Variants in SMC5 observed in about 807,000 individuals in gnomAD.
The protein encoded by SMC5 is structural maintenance of chromosomes 5.
Under a neutral mutation model 148.3 loss-of-function variants are expected in SMC5, and 88 were observed. The observed-to-expected ratio is 0.59, with a 90% confidence interval of 0.50 to 0.71. The LOEUF is 0.71. SMC5 is among the 30% of genes least tolerant of loss of function. The pLI, the probability that SMC5 is intolerant of heterozygous loss-of-function variation, is 0.00. For synonymous variants in SMC5, 421 were observed against 432.8 expected (o/e 0.97, Z 0.34); for missense variants, 1,142 against 1,298.9 (o/e 0.88, Z 1.86).
chr9:70,299,208 A>T (rs1336107817), intron 9 of SMC5, among the ~76,000 whole-genome samples: 1 of 151,850 alleles, frequency 6.6e-6, no homozygotes, highest in Admixed American at 6.6e-5. Context: ...TGCTTTATTT[A>T]TGGGTTAATT....
At chr9:70,300,676 T>C (rs2035336048) in intron 10 of SMC5, among the ~76,000 whole-genome samples, 2 of 152,126 alleles carry the variant, frequency 1.3e-5, no homozygotes, top group South Asian at 4.1e-4. Flanking sequence ...TTTTGATAGC[T>C]TTTGTTGATG....
chr9:70,327,143 C>A (rs1351558455), intron 17 of SMC5, among the ~76,000 whole-genome samples: 1 of 152,162 alleles, frequency 6.6e-6, no homozygotes, highest in Non-Finnish European at 1.5e-5. Flanking sequence ...TAGATTATGA[C>A]TTCTAAATAC....
At chr9:70,295,485 AAAG>A (rs1291589568) in intron 8 of SMC5, among the ~76,000 whole-genome samples, 28 of 151,346 alleles carry the variant, frequency 1.9e-4, no homozygotes, top group Non-Finnish European at 3.1e-4. Flanking sequence ...AAAAAAAAAA[AAAG>A]AAGAAGAGGG....
intron 13 of SMC5, among the ~76,000 whole-genome samples, chr9:70,317,345 C>A (rs2035830011): frequency 6.6e-6 from 1 of 151,996 alleles, no homozygotes; most frequent in African/African-American, 2.4e-5. Flanking sequence ...TAAGATTCTC[C>A]CTTTGGTTAA....
At chr9:70,264,696 A>C (rs993809381) in intron 2 of SMC5, among the ~76,000 whole-genome samples, 2 of 151,914 alleles carry the variant, frequency 1.3e-5, no homozygotes, top group African/African-American at 4.8e-5. Context: ...CTTTTTTTTT[A>C]AATGCATCAC....
chr9:70,302,901 G>A (rs926499836), intron 10 of SMC5, among the ~76,000 whole-genome samples: 6 of 152,032 alleles, frequency 3.9e-5, no homozygotes, highest in African/African-American at 1.5e-4. Flanking sequence ...TACTCTGGGG[G>A]CCTTGGAATC....
At chr9:70,285,352 A>G (rs2034866309) in intron 7 of SMC5, among the ~76,000 whole-genome samples, 1 of 152,220 alleles carries the variant, frequency 6.6e-6, no homozygotes, top group African/African-American at 2.4e-5. Context: ...TTCTTCCATC[A>G]TCAAATTATG....
At chr9:70,286,090 G>T (rs2034891789) in intron 7 of SMC5, 110 bp from the exon 8 acceptor site, 1 of 702,812 alleles carries the variant, frequency 1.4e-6, no homozygotes, top group Middle Eastern at 2.4e-4. Context: ...GATTTTGCTT[G>T]ATGTAAATTG....
intron 17 of SMC5, among the ~76,000 whole-genome samples, chr9:70,335,754 T>C (rs1425939170): frequency 6.6e-6 from 1 of 152,174 alleles, no homozygotes; most frequent in African/African-American, 2.4e-5. Flanking sequence ...TCAGAATTCA[T>C]CAAGTTGTCT....
Position 70,352,373 on chromosome 9 carries a change from T to A in SMC5, c.*42T>A, listed in dbSNP as rs1041374261. The stretch of plus-strand genomic sequence containing the variant: ...GAACTTGGGAATTTTTTTTGTTAAA[T>A]TCTGTTTATAAGTATGGCTCAACTG... On this transcript the variant is annotated 3_prime_UTR_variant, in exon 25 of 25. Coordinates refer to ENST00000361138, the MANE Select transcript of SMC5 (RefSeq NM_015110.4). 3 of 1,557,590 alleles carry A rather than the reference T, an allele frequency of 1.9e-6. No homozygotes were observed. In the Admixed American group the frequency reaches 6.2e-5, roughly 32 times the overall value.
chr9:70,349,120 G>A (rs561087361), intron 22 of SMC5, among the ~76,000 whole-genome samples: 55 of 152,306 alleles, frequency 3.6e-4, no homozygotes, highest in African/African-American at 1.3e-3. Context: ...AGGCTGGAGC[G>A]CAGTGGCGCA....
rs535923143 is a variant in SMC5, at chr9:70,298,162, G to A, written c.1250G>A (p.Cys417Tyr). 2.2e-5 allele frequency: 35 copies of A among 1,614,038 alleles called. No homozygotes were observed. The South Asian group carries it at 3.5e-4, about 16-fold the overall frequency. ...LRRIQDEKAL[C>Y]EGEIIDKRRE... ...CGGATTCAGGATGAAAAGGCATTATGTGAAGGCGAAATAATTGATAAGCGA... is the reference window on the plus strand; with the variant it reads ...CGGATTCAGGATGAAAAGGCATTATATGAAGGCGAAATAATTGATAAGCGA... The change falls in exon 9 of 25, where the codon TGT becomes TAT. Residue 417 changes from cysteine to tyrosine, a missense_variant. By Grantham distance (194) the Cys-to-Tyr change is radical. Transcript: ENST00000361138.
intron 17 of SMC5, among the ~76,000 whole-genome samples, chr9:70,337,364 T>C (rs2036386412): frequency 1.3e-5 from 2 of 152,062 alleles, no homozygotes; most frequent in Admixed American, 6.5e-5. Flanking sequence ...CCCTTATAGA[T>C]GGACTGAGAT....
intron 17 of SMC5, among the ~76,000 whole-genome samples, chr9:70,339,388 C>G (rs2036454033): frequency 6.6e-6 from 1 of 150,552 alleles, no homozygotes. Context: ...GAGATCACAC[C>G]ACTGCACTCC....
chr9:70,348,026 T>C lies in SMC5; in HGVS notation c.2877T>C (p.His959=). ...SMQCAGEVDL[H]TENEEDYDKY... ...AGTGTGCTGGTGAAGTTGATCTCCA[T>C]ACAGAAAATGAGGTAAAATTGCATT... is the stretch of plus-strand genomic sequence containing the variant. The change falls in exon 22 of 25, where the codon CAT becomes CAC. Residue 959 remains histidine, a synonymous_variant. Coordinates refer to ENST00000361138, the MANE Select transcript of SMC5 (RefSeq NM_015110.4). The C allele has an allele frequency of 6.3e-7, 1 of 1,575,690 alleles. No homozygotes were observed. Among genetic ancestry groups the C allele is most frequent in the Non-Finnish European group, 8.6e-7 (1 of 1,168,100 alleles).
intron 18 of SMC5, 168 bp downstream of exon 18, chr9:70,344,437 T>G (rs570252560): frequency 7.6e-5 from 22 of 289,604 alleles, no homozygotes; most frequent in Non-Finnish European, 1.2e-4. Flanking sequence ...ATAATGTTGC[T>G]TAAGAGATCA....
intron 19 of SMC5, 43 bp from the exon 20 acceptor site, chr9:70,347,023 C>T (rs1190631847): frequency 7.1e-7 from 1 of 1,405,720 alleles, no homozygotes; most frequent in East Asian, 2.3e-5. Context: ...TTGAATGGAA[C>T]TGTTTTCATT....
At chr9:70,309,865 G>A (rs1020864696) in intron 11 of SMC5, among the ~76,000 whole-genome samples, 2 of 152,010 alleles carry the variant, frequency 1.3e-5, no homozygotes, top group African/African-American at 4.8e-5. Context: ...TCTTTTTTAG[G>A]GGGAGACAGG....
At chr9:70,268,905 T>A (rs2034368635) in intron 3 of SMC5, among the ~76,000 whole-genome samples, 2 of 152,348 alleles carry the variant, frequency 1.3e-5, no homozygotes, top group South Asian at 4.1e-4. Context: ...AGTTGATGTT[T>A]ATGATGAAAC....
Sources: gnomAD v4.1 joint callset for allele counts (sites outside exome capture counted in the v4.1 genomes callset) on GRCh38, gnomAD v4.1.1 for gene constraint, MANE v1.5 for transcripts, NCBI Gene and HGNC (gene_info 2026-07-23, HGNC 2026-07-21) for gene names.